The following CCSAP variants were observed in gnomAD, a reference collection of about 807,000 sequenced individuals.
The protein encoded by CCSAP is centriole, cilia and spindle associated protein.
In CCSAP, 17 loss-of-function variants were observed where a neutral mutation model predicts 25.9. That is an observed-to-expected ratio of 0.66 (90% CI 0.45 to 0.99). The LOEUF (loss-of-function observed/expected upper bound fraction) is 0.99, where lower values mean the gene tolerates loss of function less well. CCSAP is among the 50% of genes least tolerant of loss of function. The pLI is 0.00. For synonymous variants in CCSAP, 169 were observed against 157.1 expected (o/e 1.08, Z -0.57); for missense variants, 339 against 367.8 (o/e 0.92, Z 0.64).
Position 229,326,925 on chromosome 1 carries a change from T to A in CCSAP, c.449A>T (p.Glu150Val). The stretch of plus-strand genomic sequence containing the variant: ...TAAGGCACTTGGTTGCTGTCGAGGC[T>A]CAGTACTGGTGGGTGATTTGTCAGT... ...RETDKSPTST[E>V]PRQQPSALFA... is the part of the protein sequence containing the mutation. The change falls in exon 3 of 4, where the codon GAG becomes GTG. Residue 150 changes from glutamate (E) to valine (V), a missense_variant. Transcript: ENST00000284617. 1 of 1,614,246 alleles carries A rather than the reference T, an allele frequency of 6.2e-7. No individual in the cohort carries two copies. Among genetic ancestry groups the A allele is most frequent in the Non-Finnish European group, 8.5e-7 (1 of 1,180,046 alleles).
chr1:229,333,284 T>C (rs1468460403), intron 2 of CCSAP, among the ~76,000 whole-genome samples: 1 of 151,628 alleles, frequency 6.6e-6, no homozygotes, highest in Non-Finnish European at 1.5e-5. Flanking sequence ...TACAAAAAAA[T>C]TAGCCGGGCG....
At chr1:229,334,162 C>T (rs771107321) in intron 2 of CCSAP, among the ~76,000 whole-genome samples, 14 of 152,284 alleles carry the variant, frequency 9.2e-5, no homozygotes, top group Non-Finnish European at 2.1e-4. Flanking sequence ...CCTCCACCTC[C>T]TGGGTTCAGG....
intron 2 of CCSAP, among the ~76,000 whole-genome samples, chr1:229,336,700 T>C (rs1182211692): frequency 1.3e-5 from 2 of 152,260 alleles, no homozygotes; most frequent in East Asian, 1.9e-4. Flanking sequence ...ACATCCTCTA[T>C]TAGTAAGGAA....
intron 2 of CCSAP, among the ~76,000 whole-genome samples, chr1:229,337,915 C>T (rs1296015165): frequency 1.3e-5 from 2 of 151,174 alleles, no homozygotes. Context: ...AAACCTATTA[C>T]TGGAGTAGAA....
intron 2 of CCSAP, among the ~76,000 whole-genome samples, chr1:229,333,431 G>GAGAAA (rs1658128266): frequency 1.4e-5 from 1 of 70,498 alleles, no homozygotes; most frequent in Non-Finnish European, 2.7e-5. Context: ...AGACTCCATC[G>GAGAAA]AAAAAAAAAA....
At chr1:229,327,094 T>G in intron 2 of CCSAP, 88 bp from the exon 3 acceptor site, 1 of 1,123,058 alleles carries the variant, frequency 8.9e-7, no homozygotes, top group Non-Finnish European at 1.2e-6. Flanking sequence ...TCATAATGCT[T>G]AAGACAGTAA....
chr1:229,341,386 A>C (rs1658329616), intron 2 of CCSAP, among the ~76,000 whole-genome samples: 1 of 152,196 alleles, frequency 6.6e-6, no homozygotes, highest in Non-Finnish European at 1.5e-5. Flanking sequence ...TCCAGGCTGT[A>C]CTGAGGCGTT....
chr1:229,332,409 C>T (rs891725329), intron 2 of CCSAP, among the ~76,000 whole-genome samples: 16 of 152,224 alleles, frequency 1.1e-4, no homozygotes, highest in South Asian at 6.2e-4. Context: ...GAAAATAGCC[C>T]CACATATTTT....
At chr1:229,335,982 A>C (rs1658187115) in intron 2 of CCSAP, among the ~76,000 whole-genome samples, 1 of 152,186 alleles carries the variant, frequency 6.6e-6, no homozygotes, top group African/African-American at 2.4e-5. Flanking sequence ...ATATAGTAGA[A>C]AAACTATTTA....
At position 229,324,995 on chromosome 1, in the gene CCSAP, AT is replaced by A. The variant is rs1657908426; in HGVS notation, c.*239del. 1 of 398,676 alleles carries A rather than the reference AT, an allele frequency of 2.5e-6. No individual in the cohort carries two copies. Among genetic ancestry groups the A allele is most frequent in the African/African-American group, 2.1e-5 (1 of 48,704 alleles). The allele number at this position is 398,676 out of a possible 1,614,324, so 24.7% of individuals were successfully genotyped here. A position where few individuals can be genotyped will look rare whatever the true frequency, so the allele number is the denominator to read the frequency against. ...CAAAAACCTTATAAGAATATCAAAG[AT>A]TTAGGGAATTATCTTCATAAATAAC... On this transcript the variant is annotated 3_prime_UTR_variant, in exon 4 of 4. Coordinates refer to ENST00000284617, the MANE Select transcript of CCSAP (RefSeq NM_145257.5).
intron 2 of CCSAP, among the ~76,000 whole-genome samples, chr1:229,332,770 A>C (rs1658099227): frequency 6.6e-6 from 1 of 152,224 alleles, no homozygotes; most frequent in South Asian, 2.1e-4. Context: ...AAGTTACACT[A>C]GTTATCGTTC....
Position 229,322,284 on chromosome 1 carries a change from C to A in CCSAP, c.*2951G>T, listed in dbSNP as rs904446016. The stretch of plus-strand genomic sequence containing the variant: ...TCCAATAACAGCCATCTTGCTTGCT[C>A]TCGTTCTTACAATTTAGTCAGCTGA... On this transcript the variant is annotated 3_prime_UTR_variant, in exon 4 of 4. Transcript: ENST00000284617. The A allele has an allele frequency of 3.9e-5, 6 of 152,284 alleles. No homozygotes were observed. Among genetic ancestry groups the A allele is most frequent in the South Asian group, 4.1e-4 (2 of 4,824 alleles). The allele number at this position is 152,284 out of a possible 1,614,324, so 9.4% of individuals were successfully genotyped here.
chr1:229,336,601 A>T (rs1292710428), intron 2 of CCSAP, among the ~76,000 whole-genome samples: 2 of 152,110 alleles, frequency 1.3e-5, no homozygotes, highest in Non-Finnish European at 2.9e-5. Context: ...TACAGAAAAC[A>T]GGCATCCCCC....
rs1398771275 is a variant in CCSAP, at chr1:229,342,489, C to T, written c.-24G>A. On this transcript the variant is annotated 5_prime_UTR_variant, in exon 2 of 4. Coordinates refer to ENST00000284617, the MANE Select transcript of CCSAP (RefSeq NM_145257.5). This position sits in a 1 kb window ranked among gnomAD's most constrained non-coding sequence, Gnocchi z 7.5. ...ATGGTGCCGTCCGCCGCCTCGAGCGCCAGCCGCTCCTCGCTGCCCGCAGCC... is the reference window on the plus strand; with the variant it reads ...ATGGTGCCGTCCGCCGCCTCGAGCGTCAGCCGCTCCTCGCTGCCCGCAGCC... 1 of 1,323,068 alleles carries T rather than the reference C, an allele frequency of 7.6e-7. No homozygotes were observed. The highest frequency in any genetic ancestry group is 1.5e-5 in the African/African-American group (1 of 66,270). 82.0% of individuals were successfully genotyped at this position (1,323,068 alleles called of 1,614,324 possible). A position where few individuals can be genotyped will look rare whatever the true frequency, so the allele number is the denominator to read the frequency against.
chr1:229,330,571 G>T (rs989563188), intron 2 of CCSAP, among the ~76,000 whole-genome samples: 1 of 152,184 alleles, frequency 6.6e-6, no homozygotes, highest in African/African-American at 2.4e-5. Context: ...GGCCGGGCGC[G>T]GTGGCTCACG....
At chr1:229,329,434 G>A (rs957741901) in intron 2 of CCSAP, among the ~76,000 whole-genome samples, 2 of 152,220 alleles carry the variant, frequency 1.3e-5, no homozygotes, top group African/African-American at 4.8e-5. Context: ...ATGGATGAAG[G>A]CCTGGGGTAG....
chr1:229,332,022 T>C (rs1450138137), intron 2 of CCSAP, among the ~76,000 whole-genome samples: 1 of 152,040 alleles, frequency 6.6e-6, no homozygotes, highest in Non-Finnish European at 1.5e-5. Context: ...TTTGTATTTT[T>C]AGTAGAGACG....
At chr1:229,327,898 GTTT>G (rs1259139925) in intron 2 of CCSAP, among the ~76,000 whole-genome samples, 1 of 149,800 alleles carries the variant, frequency 6.7e-6, no homozygotes, top group Non-Finnish European at 1.5e-5. Flanking sequence ...GAGGGCCCCA[GTTT>G]TAAGGGGCTT....
Position 229,326,668 on chromosome 1 carries a change from C to T in CCSAP, c.636+70G>A, listed in dbSNP as rs1015023213. 38 of 1,575,516 alleles carry T rather than the reference C, an allele frequency of 2.4e-5. 1 individual carries two copies. The highest frequency in any genetic ancestry group is 2.2e-4 in the South Asian group (19 of 85,928). On this transcript the variant is annotated intron_variant, in intron 3 of 3. Coordinates refer to ENST00000284617, the MANE Select transcript of CCSAP (RefSeq NM_145257.5). ...CCCAGTGGCCAAAGGACACGATGCC[C>T]GATGACAGGCGCATGGCCCAGCTGG...
Sources: allele counts gnomAD v4.1 joint callset (sites outside exome capture counted in the v4.1 genomes callset), GRCh38; gene constraint gnomAD v4.1.1; non-coding constraint Gnocchi (gnomAD v3.1); transcripts MANE v1.5; gene names NCBI Gene and HGNC (gene_info 2026-07-23, HGNC 2026-07-21).